Variants in KLF12 observed in about 807,000 individuals in gnomAD.
KLF12 encodes KLF transcription factor 12.
KLF12 carries 9 observed loss-of-function variants against 37.8 expected under a neutral mutation model. That is an observed-to-expected ratio of 0.24 (90% CI 0.14 to 0.42). KLF12 has a LOEUF of 0.42. Ranked by LOEUF, KLF12 falls within the 10% of genes least tolerant of loss-of-function variation. KLF12 has a pLI of 1.00. For synonymous variants in KLF12, 208 were observed against 202.1 expected, an observed-to-expected ratio of 1.03 and a Z score of -0.25; for missense variants, 411 against 516.0, an observed-to-expected ratio of 0.80 and a Z score of 1.97.
intron 3 of KLF12, among the ~76,000 whole-genome samples, chr13:73,906,091 G>T (rs1264087675): frequency 6.6e-6 from 1 of 151,998 alleles, no homozygotes; most frequent in African/African-American, 2.4e-5. Context: ...TCACCACAAC[G>T]ATTGTGACCA....
intron 4 of KLF12, among the ~76,000 whole-genome samples, chr13:73,820,668 T>C (rs192361599): frequency 6.6e-6 from 1 of 152,324 alleles, no homozygotes; most frequent in East Asian, 1.9e-4. Context: ...ACTGTGTAGA[T>C]ATAATATGCA....
chr13:73,843,752 A>T (rs184325860), intron 4 of KLF12, among the ~76,000 whole-genome samples: 206 of 152,312 alleles, frequency 1.4e-3, no homozygotes, highest in African/African-American at 4.7e-3. Flanking sequence ...TAGGGTTCTA[A>T]TTCATACATC....
chr13:73,912,107 T>C (rs1425310942), intron 3 of KLF12, among the ~76,000 whole-genome samples: 1 of 152,220 alleles, frequency 6.6e-6, no homozygotes, highest in Non-Finnish European at 1.5e-5. Context: ...CATTGTTTAT[T>C]TAATGAGGGC....
chr13:73,951,934 C>T (rs1566479170), intron 2 of KLF12, among the ~76,000 whole-genome samples: 1 of 152,112 alleles, frequency 6.6e-6, no homozygotes. Context: ...GAAACTTACA[C>T]CATTAAGTAA....
intron 3 of KLF12, among the ~76,000 whole-genome samples, chr13:73,853,234 T>C (rs985755285): frequency 6.6e-6 from 1 of 152,198 alleles, no homozygotes; most frequent in Non-Finnish European, 1.5e-5. Context: ...ACATTTAAAT[T>C]TATCCTAAAG....
intron 5 of KLF12, 188 bp downstream of exon 5, chr13:73,812,964 C>T: frequency 1.7e-6 from 1 of 573,016 alleles, no homozygotes; most frequent in Non-Finnish European, 3.0e-6. Flanking sequence ...CATGAATTTC[C>T]AACTCATTAA....
chr13:73,834,890 T>C (rs1420175168), intron 4 of KLF12, among the ~76,000 whole-genome samples: 1 of 152,172 alleles, frequency 6.6e-6, no homozygotes, highest in Non-Finnish European at 1.5e-5. Flanking sequence ...TCAGCAAAAC[T>C]TCCTAGTAGC....
chr13:73,809,312 T>A (rs546779030), intron 5 of KLF12, among the ~76,000 whole-genome samples: 1 of 67,582 alleles, frequency 1.5e-5, no homozygotes, highest in Non-Finnish European at 3.0e-5. Context: ...ATGTTTGGGG[T>A]TTTTTTTGTT....
intron 7 of KLF12, among the ~76,000 whole-genome samples, chr13:73,702,662 T>C (rs535420192): frequency 3.3e-4 from 51 of 152,314 alleles, no homozygotes; most frequent in African/African-American, 1.1e-3. Context: ...CGTGTCCCTG[T>C]TTAACTTTTA....
intron 1 of KLF12, among the ~76,000 whole-genome samples, chr13:74,109,702 T>C (rs1263088339): frequency 1.3e-5 from 2 of 152,160 alleles, no homozygotes; most frequent in Non-Finnish European, 2.9e-5. Context: ...TTTAACATGA[T>C]AAAATGTTAG....
the KLF12 span, among the ~76,000 whole-genome samples, chr13:74,227,976 A>T: frequency 3.9e-5 from 6 of 152,192 alleles, no homozygotes; most frequent in East Asian, 9.6e-4. Context: ...CGAGCCAAAG[A>T]TCAGTATGTT....
At chr13:73,993,838 A>G (rs1699730967) in intron 2 of KLF12, among the ~76,000 whole-genome samples, 1 of 152,038 alleles carries the variant, frequency 6.6e-6, no homozygotes, top group African/African-American at 2.4e-5. Context: ...GGAATTGACA[A>G]ACACTACAAT....
intron 3 of KLF12, among the ~76,000 whole-genome samples, chr13:73,871,765 G>T (rs922308541): frequency 2.0e-5 from 3 of 152,072 alleles, no homozygotes; most frequent in African/African-American, 7.2e-5. Flanking sequence ...CTCACTCTAG[G>T]CTGGTTAGCT....
chr13:73,838,572 G>A (rs1884563630), intron 4 of KLF12, among the ~76,000 whole-genome samples: 1 of 152,128 alleles, frequency 6.6e-6, no homozygotes, highest in Non-Finnish European at 1.5e-5. Flanking sequence ...AAGAAATAAT[G>A]CATTTGGACC....
At chr13:74,164,895 G>A in the KLF12 span, among the ~76,000 whole-genome samples, 1 of 152,288 alleles carries the variant, frequency 6.6e-6, no homozygotes, top group South Asian at 2.1e-4. Flanking sequence ...TAGAATGATG[G>A]TTACCAGAGG....
chr13:73,923,566 T>C (rs1367538208), intron 3 of KLF12, among the ~76,000 whole-genome samples: 1 of 152,178 alleles, frequency 6.6e-6, no homozygotes, highest in Non-Finnish European at 1.5e-5. Flanking sequence ...GTCAGGGCAG[T>C]CACTTTTTAA....
intron 1 of KLF12, among the ~76,000 whole-genome samples, chr13:74,121,712 T>A (rs919171228): frequency 2.6e-5 from 4 of 152,040 alleles, no homozygotes; most frequent in Non-Finnish European, 5.9e-5. Flanking sequence ...TTTTGAATTT[T>A]TTTATCCCAG....
chr13:74,156,427 C>T, the KLF12 span, among the ~76,000 whole-genome samples: 1 of 152,154 alleles, frequency 6.6e-6, no homozygotes, highest in African/African-American at 2.4e-5. Flanking sequence ...CCAATAAGCA[C>T]ATGATGGAGA....
intron 4 of KLF12, among the ~76,000 whole-genome samples, chr13:73,817,982 A>G (rs1192827470): frequency 6.6e-6 from 1 of 152,254 alleles, no homozygotes; most frequent in African/African-American, 2.4e-5. Context: ...CATAAAAGCT[A>G]CCTACTGCAT....
Sources: gnomAD v4.1 joint callset for allele counts (sites outside exome capture counted in the v4.1 genomes callset) on GRCh38, gnomAD v4.1.1 for gene constraint, MANE v1.5 for transcripts, NCBI Gene and HGNC (gene_info 2026-07-23, HGNC 2026-07-21) for gene names.